The following NARS2 variants were observed in gnomAD, a reference collection of about 807,000 sequenced individuals.
The protein encoded by NARS2 is asparaginyl-tRNA synthetase.
Under a neutral mutation model 62.9 loss-of-function variants are expected in NARS2, and 60 were observed. The ratio of observed to expected loss-of-function variants is 0.95; its 90% CI spans 0.77 to 1.18. The LOEUF (loss-of-function observed/expected upper bound fraction) is 1.18, where lower values mean the gene tolerates loss of function less well. Ranked by LOEUF, NARS2 falls within the 50% of genes most tolerant of loss-of-function variation. The pLI, the probability that NARS2 is intolerant of heterozygous loss-of-function variation, is 0.00. For synonymous variants in NARS2, 196 were observed against 200.0 expected, an observed-to-expected ratio of 0.98 and a Z score of 0.17; for missense variants, 619 against 576.4, an observed-to-expected ratio of 1.07 and a Z score of -0.76.
chr11:78,542,744 T>G (rs58561463), intron 5 of NARS2, among the ~76,000 whole-genome samples: 3,620 of 152,184 alleles, frequency 0.024, 132 homozygotes, highest in African/African-American at 0.082. Flanking sequence ...GACTCTACTT[T>G]AAAAATTAGC....
rs895277991 is a variant in NARS2, at chr11:78,436,604, G to C, written c.*66C>G. 2.0e-6 allele frequency: 3 copies of C among 1,522,376 alleles called. No individual in the cohort carries two copies. In the Admixed American group the frequency reaches 5.5e-5, roughly 28 times the overall value. The allele number at this position is 1,522,376 out of a possible 1,614,324, so 94.3% of individuals were successfully genotyped here. On this transcript the variant is annotated 3_prime_UTR_variant, in exon 14 of 14. Coordinates refer to ENST00000281038, the MANE Select transcript of NARS2 (RefSeq NM_024678.6). ...TTTCTAAAATCCAAACATGCATTCTGCTGTATGCACAATCATGTGCAGTGT... is the reference window on the plus strand; with the variant it reads ...TTTCTAAAATCCAAACATGCATTCTCCTGTATGCACAATCATGTGCAGTGT...
At chr11:78,514,964 A>G (rs1431464373) in intron 6 of NARS2, among the ~76,000 whole-genome samples, 1 of 152,192 alleles carries the variant, frequency 6.6e-6, no homozygotes, top group African/African-American at 2.4e-5. Flanking sequence ...CAACTTTAAA[A>G]TAATAATAAA....
chr11:78,482,875 T>C (rs7928933), intron 7 of NARS2, among the ~76,000 whole-genome samples: 43,208 of 151,892 alleles, frequency 0.28, 7,129 homozygotes, highest in African/African-American at 0.43. Context: ...GAGGGAGTCC[T>C]GTAACCCATT....
At chr11:78,518,707 T>C (rs1336376272) in intron 6 of NARS2, among the ~76,000 whole-genome samples, 1 of 151,944 alleles carries the variant, frequency 6.6e-6, no homozygotes, top group African/African-American at 2.4e-5. Context: ...TGAGTAGAGA[T>C]GGGATTTCAC....
At chr11:78,554,596 G>C (rs572524849) in intron 5 of NARS2, among the ~76,000 whole-genome samples, 1 of 151,852 alleles carries the variant, frequency 6.6e-6, no homozygotes, top group East Asian at 1.9e-4. Context: ...GTATAGGAAT[G>C]TTAGTGATTT....
intron 11 of NARS2, among the ~76,000 whole-genome samples, chr11:78,456,663 T>C (rs1858174119): frequency 6.6e-6 from 1 of 152,254 alleles, no homozygotes; most frequent in Non-Finnish European, 1.5e-5. Flanking sequence ...AATACTGATA[T>C]AATTTTGAAA....
chr11:78,552,752 T>C (rs754766965), intron 5 of NARS2, among the ~76,000 whole-genome samples: 8 of 152,290 alleles, frequency 5.3e-5, no homozygotes, highest in Middle Eastern at 3.4e-3. Flanking sequence ...CTTACGTATA[T>C]GGATTGATGT....
chr11:78,550,226 G>A (rs572668288), intron 5 of NARS2, among the ~76,000 whole-genome samples: 19 of 152,150 alleles, frequency 1.2e-4, no homozygotes, highest in Non-Finnish European at 2.4e-4. Context: ...AAGTTCCCTC[G>A]ACCTTTAATC....
At chr11:78,462,402 T>C (rs944537648) in intron 11 of NARS2, among the ~76,000 whole-genome samples, 7 of 152,338 alleles carry the variant, frequency 4.6e-5, no homozygotes, top group East Asian at 1.9e-4. Context: ...ACATCAATTA[T>C]GTTGCTCACT....
At chr11:78,438,868 T>C (rs1007743619) in intron 13 of NARS2, among the ~76,000 whole-genome samples, 7 of 152,184 alleles carry the variant, frequency 4.6e-5, no homozygotes, top group Admixed American at 2.0e-4. Flanking sequence ...CTTTTACCTT[T>C]AATATACTAA....
chr11:78,574,570 C>T lies in NARS2; in HGVS notation c.-82G>A. 6.9e-7 allele frequency: 1 copy of T among 1,449,828 alleles called. No individual in the cohort carries two copies. Among genetic ancestry groups the T allele is most frequent in the Non-Finnish European group, 9.1e-7 (1 of 1,094,082 alleles). The allele number at this position is 1,449,828 out of a possible 1,614,324, so 89.8% of individuals were successfully genotyped here. A position where few individuals can be genotyped will look rare whatever the true frequency, so the allele number is the denominator to read the frequency against. ...GCCTGCAGCGGCCCTCCTTTCTCAG[C>T]TGCTCCCCTTCCGCGGCCGCAGCTC... On this transcript the variant is annotated 5_prime_UTR_variant, in exon 1 of 14. Transcript: ENST00000281038.
intron 10 of NARS2, 50 bp downstream of exon 10, chr11:78,469,197 A>C: frequency 8.0e-7 from 1 of 1,254,134 alleles, no homozygotes; most frequent in South Asian, 1.2e-5. Context: ...GCTAAAGACA[A>C]GAAGGAAGCA....
intron 5 of NARS2, among the ~76,000 whole-genome samples, chr11:78,557,572 G>C (rs1028621743): frequency 2.0e-5 from 3 of 152,168 alleles, no homozygotes; most frequent in Admixed American, 6.5e-5. Flanking sequence ...CTGACTGTAG[G>C]AGCCTAGGAT....
intron 5 of NARS2, among the ~76,000 whole-genome samples, chr11:78,541,515 A>G (rs933942403): frequency 6.6e-6 from 1 of 152,076 alleles, no homozygotes; most frequent in African/African-American, 2.4e-5. Context: ...AATGCTTTTA[A>G]TATTAGTCTC....
intron 5 of NARS2, among the ~76,000 whole-genome samples, chr11:78,544,893 T>C (rs1258894793): frequency 6.6e-6 from 1 of 151,134 alleles, no homozygotes; most frequent in East Asian, 1.9e-4. Flanking sequence ...GGCAGAAGAA[T>C]TGCTTGAACA....
intron 6 of NARS2, among the ~76,000 whole-genome samples, chr11:78,525,023 A>T (rs1861247779): frequency 6.6e-6 from 1 of 152,130 alleles, no homozygotes; most frequent in Non-Finnish European, 1.5e-5. Context: ...CATATTACTA[A>T]GCAAAAGAAG....
At chr11:78,438,494 G>C (rs1012271679) in intron 13 of NARS2, among the ~76,000 whole-genome samples, 1 of 152,134 alleles carries the variant, frequency 6.6e-6, no homozygotes, top group Non-Finnish European at 1.5e-5. Flanking sequence ...TCCAGCAATA[G>C]TTTTAGATGG....
chr11:78,557,242 C>T (rs1856386150), intron 5 of NARS2, among the ~76,000 whole-genome samples: 1 of 152,154 alleles, frequency 6.6e-6, no homozygotes, highest in Non-Finnish European at 1.5e-5. Context: ...TACTTAATGA[C>T]ACTTCATTTC....
intron 5 of NARS2, among the ~76,000 whole-genome samples, chr11:78,553,854 G>C (rs1856225305): frequency 6.6e-6 from 1 of 152,070 alleles, no homozygotes; most frequent in African/African-American, 2.4e-5. Flanking sequence ...TGTCTTCCAG[G>C]GTTTTTACAG....
Sources: allele counts gnomAD v4.1 joint callset (sites outside exome capture counted in the v4.1 genomes callset), GRCh38; gene constraint gnomAD v4.1.1; transcripts MANE v1.5; gene names NCBI Gene and HGNC (gene_info 2026-07-23, HGNC 2026-07-21).